Variants in DMPK observed in about 807,000 individuals in gnomAD.
DMPK encodes the protein DM1 protein kinase.
Under a neutral mutation model 70.3 loss-of-function variants are expected in DMPK, and 32 were observed. That is an observed-to-expected ratio of 0.46 (90% CI 0.34 to 0.61). The LOEUF is 0.61. Ranked by LOEUF, DMPK falls within the 20% of genes least tolerant of loss-of-function variation. The probability of loss-of-function intolerance (pLI) is 0.01; values close to 1 mark genes in which losing one functional copy is unlikely to be tolerated. For missense variants in DMPK, 899 were observed against 886.0 expected (o/e 1.01, Z -0.19); for synonymous variants, 469 against 390.9 (o/e 1.20, Z -2.36).
chr19:45,776,134 A>ATT (rs534946812), intron 8 of DMPK, among the ~76,000 whole-genome samples: 32 of 48,346 alleles, frequency 6.6e-4, no homozygotes, highest in Admixed American at 1.6e-3. Context: ...GGTCCAGCCT[A>ATT]TTTTTTTTTT....
In DMPK at chr19:45,777,430, C is replaced by T. The variant is rs779230589; in HGVS notation, c.1043G>A (p.Arg348Gln). Reference sequence around the variant, plus strand: ...CGGTGTAAAGGGGGGCACGCTGTCCCGGAGACCATCCCAGTCGAGGCCAAA... The same window carrying T: ...CGGTGTAAAGGGGGGCACGCTGTCCTGGAGACCATCCCAGTCGAGGCCAAA... ...FFFGLDWDGLRDSVPPFTPDF... is the reference protein window; with the variant it reads ...FFFGLDWDGLQDSVPPFTPDF... The change falls in exon 8 of 15, where the codon CGG becomes CAG. Residue 348 changes from arginine to glutamine, a missense_variant. Physicochemically the swap from Arg to Gln is conservative, Grantham distance 43. This residue lies in a region of DMPK where 555 missense variants were observed against 483.8 expected (regional missense o/e 1.15). Transcript: ENST00000291270. This position sits in a 1 kb window ranked among gnomAD's most constrained non-coding sequence, Gnocchi z 6.7. 91 of 1,613,400 alleles carry T rather than the reference C, an allele frequency of 5.6e-5. 2 individuals are homozygous for T. The highest frequency in any genetic ancestry group is 5.2e-4 in the South Asian group (47 of 91,084).
rs141315683 is a variant in DMPK, at chr19:45,775,371, G to A, written c.1147-337C>T. 969 of 235,404 alleles carry A rather than the reference G, an allele frequency of 4.1e-3. 19 individuals carry two copies. Among genetic ancestry groups the A allele is most frequent in the African/African-American group, 0.021 (881 of 42,678 alleles). 14.6% of individuals were successfully genotyped at this position (235,404 alleles called of 1,614,324 possible). A position where few individuals can be genotyped will look rare whatever the true frequency, so the allele number is the denominator to read the frequency against. On this transcript the variant is annotated intron_variant, in intron 8 of 14. Transcript: ENST00000291270. Reference sequence around the variant, plus strand: ...TTTGGTAGAGACGGGGTTTCGCCACGCTGGCCAGGCTGGTCTCCATCTTCT... The same window carrying A: ...TTTGGTAGAGACGGGGTTTCGCCACACTGGCCAGGCTGGTCTCCATCTTCT...
intron 2 of DMPK, 95 bp from the exon 3 acceptor site, chr19:45,779,617 C>T (rs1970003972): frequency 1.9e-6 from 3 of 1,565,924 alleles, no homozygotes; most frequent in South Asian, 1.2e-5. Context: ...CAGCCGTGGC[C>T]CCGCCCCACC....
chr19:45,777,224 T>G lies in DMPK; in HGVS notation c.1146+103A>C. ...GGCACAGAGCAGGTGCTCTGGGGAA[T>G]GAGTGATTCAGGACCCCAGAAGGTA... On this transcript the variant is annotated intron_variant, in intron 8 of 14. Coordinates refer to ENST00000291270, the MANE Select transcript of DMPK (RefSeq NM_004409.5). This position sits in a 1 kb window ranked among gnomAD's most constrained non-coding sequence, Gnocchi z 6.7. 7.1e-7 allele frequency: 1 copy of G among 1,411,610 alleles called. No homozygotes were observed. The allele number at this position is 1,411,610 out of a possible 1,614,324, so 87.4% of individuals were successfully genotyped here.
At chr19:45,772,465 C>A in intron 10 of DMPK, 176 bp downstream of exon 10, 1 of 503,550 alleles carries the variant, frequency 2.0e-6, no homozygotes. Context: ...TTACTTAATG[C>A]CCCACTGTAA....
In DMPK at chr19:45,774,970, G is replaced by A. The variant is rs1320270393; in HGVS notation, c.1211C>T (p.Ser404Phe). 2 of 1,613,968 alleles carry A rather than the reference G, an allele frequency of 1.2e-6. No homozygotes were observed. The highest frequency in any genetic ancestry group is 2.2e-5 in the East Asian group (1 of 44,870). The change falls in exon 9 of 15, where the codon TCC becomes TTC. Residue 404 changes from serine (S) to phenylalanine (F), a missense_variant. Around this residue, in one of 3 missense-constraint regions of DMPK, gnomAD observed 555 missense variants for 483.8 expected, o/e 1.15. Transcript: ENST00000291270. ...TTACCTGAGGGCCATGCAGGAGTAG[G>A]AGTAGCCCACAAAAGGCAGGTGGAC... Reference protein sequence around the residue: ...LGVHLPFVGYSYSCMALRDSE... With the variant: ...LGVHLPFVGYFYSCMALRDSE...
chr19:45,777,903 G>A lies in DMPK; in HGVS notation c.676-30C>T, dbSNP rs779440487. 1.2e-5 allele frequency: 19 copies of A among 1,583,200 alleles called. No individual in the cohort carries two copies. Among genetic ancestry groups the A allele is most frequent in the Non-Finnish European group, 1.6e-5 (19 of 1,167,090 alleles). ...ACCAAAAGGAGCAGAGCGAGGCTTG[G>A]GCCCACCCCTCTGGGCCCACCAGCT... On this transcript the variant is annotated intron_variant, in intron 6 of 14. Coordinates refer to ENST00000291270, the MANE Select transcript of DMPK (RefSeq NM_004409.5). This position sits in a 1 kb window ranked among gnomAD's most constrained non-coding sequence, Gnocchi z 6.7.
chr19:45,772,718 G>C lies in DMPK; in HGVS notation c.1267C>G (p.Leu423Val), dbSNP rs527221. The C allele has an allele frequency of 0.12, 186,331 of 1,515,054 alleles. 12,579 individuals carry two copies. The highest frequency in any genetic ancestry group is 0.23 in the South Asian group (16,814 of 74,070). The allele number at this position is 1,515,054 out of a possible 1,614,324, so 93.9% of individuals were successfully genotyped here. A position where few individuals can be genotyped will look rare whatever the true frequency, so the allele number is the denominator to read the frequency against. Reference sequence around the variant, plus strand: ...GGCTCAAGCAGCTGCTCGGCCTCCAGTTCCATGGGTGTGGGGCCTGGGACC... The same window carrying C: ...GGCTCAAGCAGCTGCTCGGCCTCCACTTCCATGGGTGTGGGGCCTGGGACC... ...SEVPGPTPME[L>V]EAEQLLEPHV... Residue 423 changes from leucine (L) to valine (V), a missense_variant, in exon 10 of 15, where the codon CTG (leucine) becomes GTG (valine). Transcript: ENST00000291270.
Position 45,779,877 on chromosome 19 carries a change from G to A in DMPK, c.161-8C>T. On this transcript the variant is annotated splice_region_variant and splice_polypyrimidine_tract_variant and intron_variant, in intron 1 of 14. Transcript: ENST00000291270. ...TCACCACGATGGGCTCCGCTGGGGG[G>A]GTGGTGGGGGAAAAGAACCGAGGGT... 6.2e-7 allele frequency: 1 copy of A among 1,613,550 alleles called. No homozygotes were observed. The highest frequency in any genetic ancestry group is 1.1e-5 in the South Asian group (1 of 91,042).
At chr19:45,775,455 T>C (rs1219148791) in intron 8 of DMPK, among the ~76,000 whole-genome samples, 2 of 47,822 alleles carry the variant, frequency 4.2e-5, no homozygotes, top group African/African-American at 1.2e-4. Context: ...GCTCAAGCAG[T>C]CCTCCAACCT....
In DMPK at chr19:45,771,795, C is replaced by T. The variant is rs1217196875; in HGVS notation, c.1478G>A (p.Arg493His). 1.3e-6 allele frequency: 2 copies of T among 1,568,876 alleles called. No homozygotes were observed. Among genetic ancestry groups the T allele is most frequent in the South Asian group, 1.2e-5 (1 of 86,214 alleles). The stretch of plus-strand genomic sequence containing the variant: ...CCTGGCGAAGTTCTGGTTGTCCGTG[C>T]GGATGGCCTCCATCTCCCGGCTCAG... ...QSLSREMEAI[R>H]TDNQNFASQL... is the part of the protein sequence containing the mutation. Residue 493 changes from arginine (R) to histidine (H), a missense_variant, in exon 11 of 15, where the codon CGC becomes CAC. Arg to His is a conservative substitution (Grantham distance 29, BLOSUM62 0). Around this residue, in one of 3 missense-constraint regions of DMPK, gnomAD observed 555 missense variants for 483.8 expected, o/e 1.15. Coordinates refer to ENST00000291270, the MANE Select transcript of DMPK (RefSeq NM_004409.5).
At chr19:45,772,163 A>AAC (rs749639132) in intron 10 of DMPK, 1 of 547,632 alleles carries the variant, frequency 1.8e-6, no homozygotes, top group Non-Finnish European at 3.2e-6. Flanking sequence ...CTGGTGCTCA[A>AAC]ACACTAACAC....
rs747975834 is a variant in DMPK at position 45,778,614 on chromosome 19, C to T, written c.460G>A (p.Gly154Arg). The change falls in exon 5 of 15, where the codon GGG becomes AGG. Residue 154 changes from glycine to arginine, a missense_variant. This residue lies in a region of DMPK where 195 missense variants were observed against 259.7 expected (regional missense o/e 0.75). Transcript: ENST00000291270. ...LYLVMEYYVGGDLLTLLSKFG... is the reference protein window; with the variant it reads ...LYLVMEYYVGRDLLTLLSKFG... ...TTGCTCAGCAGTGTCAGCAGGTCCC[C>T]GCCCACGTAATACTCCATGACCAGG... The T allele has an allele frequency of 6.2e-7, 1 of 1,613,864 alleles. No individual in the cohort carries two copies. The highest frequency in any genetic ancestry group is 8.5e-7 in the Non-Finnish European group (1 of 1,180,000).
At chr19:45,782,064 C>T (rs1970148339) in intron 1 of DMPK, 129 bp downstream of exon 1, 1 of 871,542 alleles carries the variant, frequency 1.1e-6, no homozygotes, top group East Asian at 2.9e-5. Flanking sequence ...ACTCTGAGCC[C>T]CAGGATGGGA....
At chr19:45,775,287 C>T (rs1318895573) in intron 8 of DMPK, 18 of 409,128 alleles carry the variant, frequency 4.4e-5, no homozygotes, top group Non-Finnish European at 2.2e-5. Context: ...CCTGCCTCAG[C>T]GTCCTGAGTA....
At position 45,774,933 on chromosome 19, in the gene DMPK, C is replaced by A; in HGVS notation, c.1232+16G>T. 2 of 1,611,704 alleles carry A rather than the reference C, an allele frequency of 1.2e-6. No individual in the cohort carries two copies. Among genetic ancestry groups the A allele is most frequent in the East Asian group, 2.2e-5 (1 of 44,856 alleles). ...CAGCCTCGTGGCCCCTGGAGGCCGTCCAGGGCAGTGCTTACCTGAGGGCCA... is the reference window on the plus strand; with the variant it reads ...CAGCCTCGTGGCCCCTGGAGGCCGTACAGGGCAGTGCTTACCTGAGGGCCA... On this transcript the variant is annotated intron_variant, in intron 9 of 14. Coordinates refer to ENST00000291270, the MANE Select transcript of DMPK (RefSeq NM_004409.5).
At chr19:45,776,917 G>A (rs1969803689) in intron 8 of DMPK, 1 of 177,530 alleles carries the variant, frequency 5.6e-6, no homozygotes, top group African/African-American at 2.4e-5. Context: ...AGGGCACCCA[G>A]AGCCGAGCAA....
At chr19:45,770,736 C>G in intron 14 of DMPK, 96 bp from the exon 15 acceptor site, 3 of 1,378,028 alleles carry the variant, frequency 2.2e-6, no homozygotes, top group African/African-American at 1.4e-5. Context: ...CGCACTCTTC[C>G]CTGCGCCCCG....
At chr19:45,779,558 G>C (rs780263576) in intron 2 of DMPK, 36 bp from the exon 3 acceptor site, 2 of 1,612,260 alleles carry the variant, frequency 1.2e-6, no homozygotes, top group Non-Finnish European at 1.7e-6. Context: ...TGGAGACGGC[G>C]GGAAAACAAA....
Sources: allele counts gnomAD v4.1 joint callset (sites outside exome capture counted in the v4.1 genomes callset), GRCh38; gene constraint gnomAD v4.1.1; regional missense constraint gnomAD v4.1.1; non-coding constraint Gnocchi (gnomAD v3.1); transcripts MANE v1.5; gene names NCBI Gene and HGNC (gene_info 2026-07-23, HGNC 2026-07-21).